Variants in NCKAP5 observed in about 807,000 individuals in gnomAD.
The protein encoded by NCKAP5 is NCK associated protein 5.
NCKAP5 carries 92 observed loss-of-function variants against 167.0 expected under a neutral mutation model. The observed-to-expected ratio is 0.55, with a 90% CI of 0.47 to 0.66. NCKAP5 has a LOEUF of 0.66. NCKAP5 is among the 30% of genes least tolerant of loss of function. The probability of loss-of-function intolerance (pLI) is 0.00; values close to 1 mark genes in which losing one functional copy is unlikely to be tolerated. For synonymous variants in NCKAP5, 891 were observed against 877.4 expected (o/e 1.02, Z -0.27); for missense variants, 2,378 against 2,315.0 (o/e 1.03, Z -0.56).
intron 19 of NCKAP5, 45 bp from the exon 20 acceptor site, chr2:132,673,350 AATCAAGTT>A (rs761458063): frequency 2.4e-5 from 32 of 1,360,852 alleles, no homozygotes; most frequent in Non-Finnish European, 1.0e-6. Context: ...TTCTTTGGAA[AATCAAGTT>A]ATCCTATCTA....
At chr2:133,324,666 C>G (rs1682303331) in intron 3 of NCKAP5, among the ~76,000 whole-genome samples, 1 of 152,164 alleles carries the variant, frequency 6.6e-6, no homozygotes, top group South Asian at 2.1e-4. Flanking sequence ...CCAGTTGTAA[C>G]TAAGAAAATA....
At chr2:133,449,433 T>G (rs1262261421) in intron 3 of NCKAP5, among the ~76,000 whole-genome samples, 1 of 152,076 alleles carries the variant, frequency 6.6e-6, no homozygotes, top group Non-Finnish European at 1.5e-5. Flanking sequence ...TAATAGAAAA[T>G]AATCAAAACA....
chr2:133,507,307 C>T (rs1683098795), intron 3 of NCKAP5, among the ~76,000 whole-genome samples: 1 of 152,172 alleles, frequency 6.6e-6, no homozygotes, highest in African/African-American at 2.4e-5. Context: ...CCAGAATTCA[C>T]CAAACCAAAT....
chr2:133,004,334 A>G (rs2077887024), intron 6 of NCKAP5, among the ~76,000 whole-genome samples: 1 of 152,166 alleles, frequency 6.6e-6, no homozygotes, highest in South Asian at 2.1e-4. Flanking sequence ...TTATCAGGGG[A>G]ACCAGCCTGC....
intron 6 of NCKAP5, among the ~76,000 whole-genome samples, chr2:133,050,527 G>A (rs1351216208): frequency 2.6e-5 from 4 of 152,124 alleles, no homozygotes; most frequent in Non-Finnish European, 4.4e-5. Flanking sequence ...ATGAAAAGAT[G>A]ATAACACACT....
At chr2:133,454,228 T>C (rs577110941) in intron 3 of NCKAP5, among the ~76,000 whole-genome samples, 7 of 152,150 alleles carry the variant, frequency 4.6e-5, no homozygotes, top group South Asian at 2.1e-4. Context: ...AATTTAAATA[T>C]AAATGGCTAT....
intron 6 of NCKAP5, among the ~76,000 whole-genome samples, chr2:133,024,823 T>C (rs1248045062): frequency 6.6e-6 from 1 of 152,242 alleles, no homozygotes; most frequent in Non-Finnish European, 1.5e-5. Flanking sequence ...CATTTTATGA[T>C]ATGTTTCCTT....
At chr2:133,538,993 T>A (rs1425584340) in intron 2 of NCKAP5, among the ~76,000 whole-genome samples, 1 of 137,622 alleles carries the variant, frequency 7.3e-6, no homozygotes, top group East Asian at 2.2e-4. Context: ...CAGGCTGGAG[T>A]GCAGTGGCGC....
intron 8 of NCKAP5, among the ~76,000 whole-genome samples, chr2:132,922,026 C>G (rs1215432133): frequency 6.6e-6 from 1 of 152,082 alleles, no homozygotes; most frequent in African/African-American, 2.4e-5. Flanking sequence ...CTACCCTGTA[C>G]TGAGAGTCTG....
intron 3 of NCKAP5, among the ~76,000 whole-genome samples, chr2:133,513,089 T>C (rs1683640789): frequency 6.6e-6 from 1 of 152,170 alleles, no homozygotes; most frequent in Admixed American, 6.5e-5. Context: ...ACTCAAAGCA[T>C]CTAACTGAGG....
intron 4 of NCKAP5, among the ~76,000 whole-genome samples, chr2:133,288,484 A>G (rs1171263191): frequency 6.6e-6 from 1 of 152,226 alleles, no homozygotes; most frequent in African/African-American, 2.4e-5. Flanking sequence ...AGAATATTGA[A>G]GAGACAGCGT....
the NCKAP5 span, among the ~76,000 whole-genome samples, chr2:133,669,436 T>TG: frequency 7.2e-5 from 11 of 152,238 alleles, no homozygotes; most frequent in Non-Finnish European, 1.2e-4. Flanking sequence ...ACACTAGAAA[T>TG]GGGGTTTAAG....
intron 2 of NCKAP5, among the ~76,000 whole-genome samples, chr2:133,550,109 T>C (rs1393073084): frequency 7.4e-5 from 11 of 148,524 alleles, no homozygotes; most frequent in East Asian, 6.1e-4. Flanking sequence ...TAATCAATAG[T>C]TTACCAACCA....
chr2:133,647,430 G>A, the NCKAP5 span, among the ~76,000 whole-genome samples: 2,853 of 83,646 alleles, frequency 0.034, 255 homozygotes, highest in African/African-American at 0.073. Flanking sequence ...AGAAAGAAAG[G>A]AAGAAAGAAA....
intron 4 of NCKAP5, among the ~76,000 whole-genome samples, chr2:133,226,497 T>C (rs2086896922): frequency 6.6e-6 from 1 of 151,918 alleles, no homozygotes; most frequent in Non-Finnish European, 1.5e-5. Flanking sequence ...GATGTGGCTT[T>C]AGAGATAGGG....
chr2:132,728,400 C>T (rs955520155), intron 18 of NCKAP5, among the ~76,000 whole-genome samples: 2 of 152,234 alleles, frequency 1.3e-5, no homozygotes, highest in African/African-American at 4.8e-5. Flanking sequence ...ATTAGCCATC[C>T]TTAAAAGCAA....
At chr2:133,513,980 T>C (rs984661841) in intron 3 of NCKAP5, among the ~76,000 whole-genome samples, 1 of 152,182 alleles carries the variant, frequency 6.6e-6, no homozygotes, top group African/African-American at 2.4e-5. Context: ...GGAATGAGTC[T>C]TGCAAATAAA....
intron 3 of NCKAP5, among the ~76,000 whole-genome samples, chr2:133,398,432 T>C (rs1687893429): frequency 6.6e-6 from 1 of 152,154 alleles, no homozygotes. Context: ...TAAAGTAACA[T>C]AAAAATAAAC....
chr2:133,471,065 A>G (rs988644029), intron 3 of NCKAP5, among the ~76,000 whole-genome samples: 4 of 152,060 alleles, frequency 2.6e-5, no homozygotes, highest in African/African-American at 9.7e-5. Context: ...TGTACTGATC[A>G]TCATCATCAT....
Sources: allele counts gnomAD v4.1 joint callset (sites outside exome capture counted in the v4.1 genomes callset), GRCh38; gene constraint gnomAD v4.1.1; transcripts MANE v1.5; gene names NCBI Gene and HGNC (gene_info 2026-07-23, HGNC 2026-07-21).